LRRC28: variants seen among roughly 807,000 people sequenced by gnomAD.
LRRC28 encodes leucine rich repeat containing 28.
Under a neutral mutation model 45.7 loss-of-function variants are expected in LRRC28, and 39 were observed. That is an observed-to-expected ratio of 0.85 (90% CI 0.66 to 1.12). The LOEUF (loss-of-function observed/expected upper bound fraction) is 1.12. Among genes scored for constraint, LRRC28 ranks in the 50% most tolerant of loss-of-function variants. The probability of loss-of-function intolerance (pLI) is 0.00; values close to 1 mark genes in which losing one functional copy is unlikely to be tolerated. For synonymous variants in LRRC28, 206 were observed against 178.8 expected (o/e 1.15, Z -1.22); for missense variants, 435 against 438.5 (o/e 0.99, Z 0.07).
chr15:99,355,435 A>G (rs1157861687), intron 7 of LRRC28: 1 of 152,262 alleles, frequency 6.6e-6, no homozygotes, highest in Non-Finnish European at 1.5e-5. Flanking sequence ...GGAGGTGACT[A>G]CATGGAGAGT....
At chr15:99,309,410 C>CT (rs546095331) in intron 5 of LRRC28, among the ~76,000 whole-genome samples, 56 of 151,944 alleles carry the variant, frequency 3.7e-4, no homozygotes, top group South Asian at 3.1e-3. Flanking sequence ...GGGAAGATGT[C>CT]TTTTTTTTCT....
chr15:99,352,779 C>T (rs1269957407), intron 7 of LRRC28, among the ~76,000 whole-genome samples: 1 of 152,064 alleles, frequency 6.6e-6, no homozygotes, highest in Non-Finnish European at 1.5e-5. Context: ...AAATGGTACA[C>T]GTGATGGTTT....
At chr15:99,351,802 A>G (rs1442759650) in intron 6 of LRRC28, among the ~76,000 whole-genome samples, 1 of 152,228 alleles carries the variant, frequency 6.6e-6, no homozygotes, top group Non-Finnish European at 1.5e-5. Flanking sequence ...TACAGCAACC[A>G]CTGCAACTGG....
At chr15:99,336,799 C>A (rs1956338993) in intron 6 of LRRC28, among the ~76,000 whole-genome samples, 1 of 152,196 alleles carries the variant, frequency 6.6e-6, no homozygotes, top group Non-Finnish European at 1.5e-5. Context: ...CCGGCCCCTG[C>A]AACTTCAGCA....
rs117645895 is a variant in LRRC28, at chr15:99,369,265, C to T, written c.1031+6000C>T. Among the ~76,000 whole-genome samples, 362 of 152,282 alleles carry T rather than the reference C, an allele frequency of 2.4e-3. 5 individuals are homozygous for T. In the East Asian group the frequency reaches 0.042, roughly 18 times the overall value. ...CCAATAATCTCTTTTCTATCACTCA[C>T]CTCAAAATTCTTCCAGCCTCTATTC... On this transcript the variant is annotated intron_variant, in intron 9 of 9. Transcript: ENST00000301981.
intron 9 of LRRC28, among the ~76,000 whole-genome samples, chr15:99,384,023 G>A (rs1273388840): frequency 6.6e-6 from 1 of 152,150 alleles, no homozygotes; most frequent in Admixed American, 6.5e-5. Flanking sequence ...TTCCATGCGT[G>A]CCCTCCAGGT....
chr15:99,299,506 T>C (rs11247076), intron 5 of LRRC28, among the ~76,000 whole-genome samples: 14,734 of 152,224 alleles, frequency 0.097, 1,018 homozygotes, highest in East Asian at 0.33. Context: ...ATATACAGAA[T>C]GTTTTATTTG....
chr15:99,387,019 T>C lies in LRRC28; in HGVS notation c.*917T>C, dbSNP rs1008080918. The C allele has an allele frequency of 2.6e-5, 4 of 152,170 alleles. No individual in the cohort carries two copies. The highest frequency in any genetic ancestry group is 9.7e-5 in the African/African-American group (4 of 41,432). 9.4% of individuals were successfully genotyped at this position (152,170 alleles called of 1,614,324 possible). On this transcript the variant is annotated 3_prime_UTR_variant, in exon 10 of 10. Coordinates refer to ENST00000301981, the MANE Select transcript of LRRC28 (RefSeq NM_144598.5). ...TTCAGTTTATACTGACTTTGAAATA[T>C]TTTTGTCACATGTGAAAGGCTTCAG... is the stretch of plus-strand genomic sequence containing the variant.
At chr15:99,356,608 G>A (rs1380939037) in intron 7 of LRRC28, among the ~76,000 whole-genome samples, 1 of 152,104 alleles carries the variant, frequency 6.6e-6, no homozygotes, top group African/African-American at 2.4e-5. Flanking sequence ...GGAAAATAGG[G>A]AGAGAATGGG....
chr15:99,298,739 C>T (rs555642580), intron 5 of LRRC28, among the ~76,000 whole-genome samples: 132 of 152,284 alleles, frequency 8.7e-4, no homozygotes, highest in African/African-American at 2.8e-3. Flanking sequence ...GATGGAGTCT[C>T]GCTCTGTTGC....
rs1458328148 is a variant in LRRC28 at position 99,386,195 on chromosome 15, G to C, written c.*93G>C. The C allele has an allele frequency of 2.0e-6, 2 of 984,524 alleles. No homozygotes were observed. The highest frequency in any genetic ancestry group is 3.4e-5 in the Admixed American group (2 of 58,126). The allele number at this position is 984,524 out of a possible 1,614,324, so 61.0% of individuals were successfully genotyped here. ...CTTCCATCCTGTCCTGTCCAATGCG[G>C]GGGCACTGCAGAACTCTCTAGAAAT... On this transcript the variant is annotated 3_prime_UTR_variant, in exon 10 of 10. Transcript: ENST00000301981.
In LRRC28 at chr15:99,299,222, GAT is replaced by G. The variant is rs575777423; in HGVS notation, c.385+11273_385+11274del. Among the ~76,000 whole-genome samples, 7 of 152,246 alleles carry G rather than the reference GAT, an allele frequency of 4.6e-5. No individual in the cohort carries two copies. In the South Asian group the frequency reaches 1.4e-3, roughly 32 times the overall value. On this transcript the variant is annotated intron_variant, in intron 5 of 9. Transcript: ENST00000301981. ...TGTTTTTGATAAATACGTTAACAAA[GAT>G]AGCATTTTCATCTGTAATTATTTTA...
intron 9 of LRRC28, 131 bp from the exon 10 acceptor site, chr15:99,385,899 A>G (rs1007761100): frequency 7.9e-6 from 6 of 758,284 alleles, no homozygotes; most frequent in Non-Finnish European, 1.4e-5. Context: ...AGGAAATTTA[A>G]ATTTCTATTA....
At chr15:99,285,984 T>G (rs2081948225) in intron 3 of LRRC28, among the ~76,000 whole-genome samples, 1 of 152,240 alleles carries the variant, frequency 6.6e-6, no homozygotes, top group African/African-American at 2.4e-5. Context: ...ATTGATTTAA[T>G]TCAACATAAA....
At chr15:99,290,128 T>G (rs956804922) in intron 5 of LRRC28, among the ~76,000 whole-genome samples, 37 of 151,330 alleles carry the variant, frequency 2.4e-4, no homozygotes, top group South Asian at 1.7e-3. Flanking sequence ...TGTGGTGGCA[T>G]TGTGCCTATA....
intron 9 of LRRC28, among the ~76,000 whole-genome samples, chr15:99,383,499 T>C (rs1004005016): frequency 1.3e-5 from 2 of 152,184 alleles, no homozygotes; most frequent in Non-Finnish European, 2.9e-5. Flanking sequence ...CACCTAAATA[T>C]ATTTTCCCCC....
intron 2 of LRRC28, chr15:99,258,541 A>G: frequency 1.3e-6 from 1 of 742,754 alleles, no homozygotes; most frequent in Non-Finnish European, 2.5e-6. Flanking sequence ...GAATCTTATG[A>G]TGAAGCTGCA....
chr15:99,304,588 G>T (rs1391614837), intron 5 of LRRC28, among the ~76,000 whole-genome samples: 1 of 151,772 alleles, frequency 6.6e-6, no homozygotes, highest in Non-Finnish European at 1.5e-5. Flanking sequence ...GCACCAACAC[G>T]CCCGGCTCAT....
Position 99,255,587 on chromosome 15 carries a change from T to C in LRRC28, c.-60-311T>C, listed in dbSNP as rs115922910. Among the ~76,000 whole-genome samples, 52 of 152,270 alleles carry C rather than the reference T, an allele frequency of 3.4e-4. 1 individual carries two copies. The highest frequency in any genetic ancestry group is 1.2e-3 in the African/African-American group (48 of 41,574). On this transcript the variant is annotated intron_variant, in intron 1 of 9. Coordinates refer to ENST00000301981, the MANE Select transcript of LRRC28 (RefSeq NM_144598.5). The stretch of plus-strand genomic sequence containing the variant: ...TTTTTAAGCTTCTCCTTTGGTTGTA[T>C]GTTATGAAACTGGTCACTGTTTTTC...
Sources: gnomAD v4.1 joint callset for allele counts (sites outside exome capture counted in the v4.1 genomes callset) on GRCh38, gnomAD v4.1.1 for gene constraint, MANE v1.5 for transcripts, NCBI Gene and HGNC (gene_info 2026-07-23, HGNC 2026-07-21) for gene names.